Variants in CALN1 observed in about 807,000 individuals in gnomAD.
CALN1 encodes calneuron 1, also known as calcium-binding protein 8.
A neutral mutation model predicts 30.6 loss-of-function variants in CALN1; 17 were observed. The observed-to-expected ratio is 0.56, with a 90% CI of 0.38 to 0.83. The LOEUF (loss-of-function observed/expected upper bound fraction) is 0.83, where lower values mean the gene tolerates loss of function less well. Ranked by LOEUF, CALN1 falls within the 40% of genes least tolerant of loss-of-function variation. CALN1 has a pLI of 0.00. For synonymous variants in CALN1, 156 were observed against 131.4 expected (o/e 1.19, Z -1.28); for missense variants, 291 against 354.9 (o/e 0.82, Z 1.45).
intron 1 of CALN1, among the ~76,000 whole-genome samples, chr7:72,429,440 T>G (rs1033209243): frequency 1.3e-5 from 2 of 152,094 alleles, no homozygotes; most frequent in African/African-American, 4.8e-5. Flanking sequence ...CCTTTAGGAC[T>G]TGAGGCCCCT....
chr7:72,235,432 C>T (rs920899766), intron 3 of CALN1, among the ~76,000 whole-genome samples: 2 of 152,090 alleles, frequency 1.3e-5, no homozygotes, highest in Non-Finnish European at 2.9e-5. Context: ...ACAGGGAAAT[C>T]TACATTGAAG....
intron 2 of CALN1, among the ~76,000 whole-genome samples, chr7:72,379,408 G>C (rs1443692429): frequency 6.6e-6 from 1 of 152,228 alleles, no homozygotes; most frequent in South Asian, 2.1e-4. Flanking sequence ...AACAGTTATA[G>C]GGTGCATACC....
intron 2 of CALN1, among the ~76,000 whole-genome samples, chr7:72,324,412 G>A (rs779044662): frequency 3.3e-5 from 5 of 151,612 alleles, no homozygotes; most frequent in Non-Finnish European, 7.4e-5. Flanking sequence ...TTTATGACGG[G>A]GTCACTGTCC....
chr7:71,905,790 T>C (rs993217487), intron 5 of CALN1, among the ~76,000 whole-genome samples: 3 of 152,088 alleles, frequency 2.0e-5, no homozygotes, highest in Non-Finnish European at 2.9e-5. Context: ...GAAATTGTAT[T>C]AGTCTGTTCT....
chr7:72,098,688 T>C (rs947539440), intron 4 of CALN1, among the ~76,000 whole-genome samples: 2 of 151,342 alleles, frequency 1.3e-5, no homozygotes, highest in Non-Finnish European at 2.9e-5. Flanking sequence ...CCAGCTTGGG[T>C]AACACAGTAA....
chr7:72,149,931 T>C (rs1446828325), intron 3 of CALN1, among the ~76,000 whole-genome samples: 1 of 151,126 alleles, frequency 6.6e-6, no homozygotes, highest in African/African-American at 2.4e-5. Flanking sequence ...CTGGCCAACA[T>C]GGTGAAATTC....
At chr7:72,274,246 G>A (rs138999747) in intron 3 of CALN1, among the ~76,000 whole-genome samples, 94 of 152,242 alleles carry the variant, frequency 6.2e-4, no homozygotes, top group African/African-American at 1.5e-3. Context: ...AGGGTCTCAC[G>A]ACTGTAATTC....
intron 4 of CALN1, among the ~76,000 whole-genome samples, chr7:72,032,052 CTTTTTTTTTTTTTTT>C (rs1184047697): frequency 1.5e-4 from 10 of 66,568 alleles, no homozygotes; most frequent in Non-Finnish European, 1.5e-4. Flanking sequence ...TGGCTCCTGG[CTTTTTTTTTTTTTTT>C]TTTTTTTTTG....
intron 3 of CALN1, among the ~76,000 whole-genome samples, chr7:72,158,179 C>G (rs1473740141): frequency 6.6e-6 from 1 of 152,196 alleles, no homozygotes; most frequent in Non-Finnish European, 1.5e-5. Flanking sequence ...ACAAAACAGA[C>G]AAGGTCTCTT....
intron 3 of CALN1, among the ~76,000 whole-genome samples, chr7:72,248,264 G>A (rs1164886961): frequency 2.6e-5 from 4 of 152,016 alleles, no homozygotes; most frequent in Admixed American, 1.3e-4. Context: ...ACAAGTGCTC[G>A]CCACCACACC....
intron 4 of CALN1, among the ~76,000 whole-genome samples, chr7:72,069,291 T>C (rs1209433841): frequency 6.6e-6 from 1 of 152,066 alleles, no homozygotes; most frequent in Non-Finnish European, 1.5e-5. Flanking sequence ...GGTGGATGGG[T>C]GTAATGAGGT....
At chr7:72,141,083 G>C (rs1414759831) in intron 3 of CALN1, among the ~76,000 whole-genome samples, 2 of 152,194 alleles carry the variant, frequency 1.3e-5, no homozygotes, top group Admixed American at 6.5e-5. Context: ...CAAGGCCAAG[G>C]TCACTGGCTC....
chr7:71,869,837 A>G (rs17340451), intron 5 of CALN1, among the ~76,000 whole-genome samples: 36,044 of 152,054 alleles, frequency 0.24, 4,531 homozygotes, highest in African/African-American at 0.29. Context: ...AGGTGAGTGA[A>G]ACTGCGAGTT....
rs752059874 is a variant in CALN1 at position 72,106,245 on chromosome 7, G to A, written c.294C>T (p.Ile98=). 5.0e-6 allele frequency: 8 copies of A among 1,614,090 alleles called. No individual in the cohort carries two copies. In the East Asian group the frequency reaches 1.8e-4, roughly 36 times the overall value. ...TGGCCATGCCCAGCTCCTGCTTGGA[G>A]ATGAAGCCGTTCCCATCCCGGTCCA... ...RVLDRDGNGF[I]SKQELGMAMR... The change falls in exon 4 of 7, where the codon ATC becomes ATT. Residue 98 remains isoleucine (I), a synonymous_variant. Coordinates refer to ENST00000395275, the MANE Select transcript of CALN1 (RefSeq NM_031468.4).
intron 6 of CALN1, among the ~76,000 whole-genome samples, chr7:71,798,950 C>A (rs777247346): frequency 1.4e-4 from 22 of 151,838 alleles, no homozygotes; most frequent in Non-Finnish European, 2.5e-4. Flanking sequence ...ATCCTTGATA[C>A]CCCCAATGTG....
chr7:71,886,589 A>G (rs927146212), intron 5 of CALN1, among the ~76,000 whole-genome samples: 2 of 152,140 alleles, frequency 1.3e-5, no homozygotes, highest in Non-Finnish European at 2.9e-5. Context: ...CCTGGTTAAC[A>G]TGATGAAATC....
chr7:72,263,394 ATTTTT>A (rs562392260), intron 3 of CALN1, among the ~76,000 whole-genome samples: 3 of 151,876 alleles, frequency 2.0e-5, no homozygotes, highest in Non-Finnish European at 4.4e-5. Context: ...ATTTTATTTT[ATTTTT>A]TATTTTATTT....
At chr7:71,862,687 C>T (rs1004316668) in intron 5 of CALN1, among the ~76,000 whole-genome samples, 7 of 152,186 alleles carry the variant, frequency 4.6e-5, no homozygotes, top group African/African-American at 1.7e-4. Flanking sequence ...TAGGAAGATT[C>T]ATGCAATCTT....
At chr7:72,197,233 G>A (rs1305382455) in intron 3 of CALN1, among the ~76,000 whole-genome samples, 2 of 121,482 alleles carry the variant, frequency 1.6e-5, no homozygotes, top group African/African-American at 3.2e-5. Context: ...CACCCAGACT[G>A]GAGTGCAGTG....
Sources: gnomAD v4.1 joint callset for allele counts (sites outside exome capture counted in the v4.1 genomes callset) on GRCh38, gnomAD v4.1.1 for gene constraint, MANE v1.5 for transcripts, NCBI Gene and HGNC (gene_info 2026-07-23, HGNC 2026-07-21) for gene names.